Variants in NREP observed in about 807,000 individuals in gnomAD.
NREP encodes neuronal regeneration-related protein.
NREP carries 5 observed loss-of-function variants against 8.6 expected under a neutral mutation model. That is an observed-to-expected ratio of 0.58 (90% CI 0.30 to 1.22). The LOEUF (loss-of-function observed/expected upper bound fraction) is 1.22, where lower values mean the gene tolerates loss of function less well. Ranked by LOEUF, NREP falls within the 50% of genes most tolerant of loss-of-function variation. The pLI is 0.07. For synonymous variants in NREP, 27 were observed against 28.0 expected (o/e 0.96, Z 0.11); for missense variants, 86 against 82.5 (o/e 1.04, Z -0.17).
chr5:111,911,914 C>A (rs1754923438), intron 2 of NREP, among the ~76,000 whole-genome samples: 1 of 152,002 alleles, frequency 6.6e-6, no homozygotes. Flanking sequence ...ATCCTATAAG[C>A]AAGTACTAGT....
intron 2 of NREP, among the ~76,000 whole-genome samples, chr5:111,926,518 G>C (rs1023758721): frequency 1.3e-5 from 2 of 152,040 alleles, no homozygotes; most frequent in East Asian, 3.9e-4. Context: ...TCTAATTGTT[G>C]GATAATATTA....
At chr5:111,947,173 A>G (rs1756011442) in intron 2 of NREP, among the ~76,000 whole-genome samples, 1 of 152,026 alleles carries the variant, frequency 6.6e-6, no homozygotes, top group African/African-American at 2.4e-5. Context: ...CCACTCCTCC[A>G]CAATATCTCA....
At chr5:111,894,785 A>C (rs1754469636) in intron 2 of NREP, among the ~76,000 whole-genome samples, 1 of 152,222 alleles carries the variant, frequency 6.6e-6, no homozygotes, top group Non-Finnish European at 1.5e-5. Flanking sequence ...TAAGATCATC[A>C]CCACACTCGG....
intron 2 of NREP, among the ~76,000 whole-genome samples, chr5:111,894,119 T>A (rs929533692): frequency 6.6e-6 from 1 of 151,934 alleles, no homozygotes; most frequent in Non-Finnish European, 1.5e-5. Flanking sequence ...CTCGGGAGGC[T>A]GAGGCAGGAG....
At chr5:111,774,027 C>T (rs750554864) in intron 2 of NREP, among the ~76,000 whole-genome samples, 2 of 152,138 alleles carry the variant, frequency 1.3e-5, no homozygotes, top group Non-Finnish European at 2.9e-5. Flanking sequence ...AATTTATAAA[C>T]CACTTGACAA....
intron 2 of NREP, among the ~76,000 whole-genome samples, chr5:111,833,309 A>G (rs1180485134): frequency 6.6e-6 from 1 of 152,224 alleles, no homozygotes; most frequent in African/African-American, 2.4e-5. Flanking sequence ...TTCCATGAGA[A>G]AAGCCAATAC....
intron 2 of NREP, among the ~76,000 whole-genome samples, chr5:111,829,701 G>A (rs1210802168): frequency 6.6e-6 from 1 of 152,132 alleles, no homozygotes; most frequent in Non-Finnish European, 1.5e-5. Context: ...GACTTTACCT[G>A]AACTCAATCT....
intron 2 of NREP, among the ~76,000 whole-genome samples, chr5:111,816,840 T>C (rs1358232540): frequency 6.6e-6 from 1 of 151,528 alleles, no homozygotes; most frequent in Non-Finnish European, 1.5e-5. Context: ...GCAGACTATA[T>C]AAAAATAAAA....
intron 2 of NREP, among the ~76,000 whole-genome samples, chr5:111,836,811 T>G (rs1334585776): frequency 2.0e-5 from 3 of 152,064 alleles, no homozygotes; most frequent in African/African-American, 7.2e-5. Context: ...TTTGTGTATA[T>G]AACTTCAAAA....
intron 2 of NREP, among the ~76,000 whole-genome samples, chr5:111,806,523 T>A (rs1752144199): frequency 6.6e-6 from 1 of 152,224 alleles, no homozygotes; most frequent in African/African-American, 2.4e-5. Flanking sequence ...AAAAATGATT[T>A]CTCACCAGTA....
chr5:111,853,578 A>T (rs571891634), intron 2 of NREP, among the ~76,000 whole-genome samples: 231 of 152,284 alleles, frequency 1.5e-3, no homozygotes, highest in African/African-American at 5.5e-3. Flanking sequence ...ACAAAAAATT[A>T]CAACTACCAA....
chr5:111,854,850 T>C (rs1419902069), intron 2 of NREP, among the ~76,000 whole-genome samples: 1 of 152,194 alleles, frequency 6.6e-6, no homozygotes, highest in African/African-American at 2.4e-5. Context: ...TCCAGATCTT[T>C]ACACACCCAT....
intron 2 of NREP, among the ~76,000 whole-genome samples, chr5:111,913,293 C>T (rs768671906): frequency 3.9e-5 from 6 of 152,014 alleles, no homozygotes; most frequent in Non-Finnish European, 7.4e-5. Flanking sequence ...ATTTTAAAAG[C>T]GGTCTTATAA....
chr5:111,871,913 A>C (rs1022915168), intron 2 of NREP, among the ~76,000 whole-genome samples: 1 of 149,130 alleles, frequency 6.7e-6, no homozygotes, highest in African/African-American at 2.5e-5. Flanking sequence ...CTGCATAATG[A>C]CGTTTCAGTG....
chr5:111,757,822 TAAG>T (rs938367953), upstream of NREP: 23 of 964,066 alleles, frequency 2.4e-5, no homozygotes, highest in African/African-American at 3.5e-5. Flanking sequence ...TTCAGACAAA[TAAG>T]GAGGTGGAGG....
At chr5:111,737,859 C>CTT (rs142717753) in intron 2 of NREP, among the ~76,000 whole-genome samples, 37 of 150,748 alleles carry the variant, frequency 2.5e-4, no homozygotes, top group African/African-American at 8.0e-4. Flanking sequence ...CTGACCAAGG[C>CTT]TTTTTTTTTC....
intron 2 of NREP, among the ~76,000 whole-genome samples, chr5:111,742,642 C>T (rs1020663965): frequency 3.3e-5 from 5 of 151,970 alleles, no homozygotes; most frequent in African/African-American, 1.2e-4. Flanking sequence ...TCTTTTTCAC[C>T]ACGACTTAAA....
intron 1 of NREP, chr5:111,756,312 AC>A (rs70973616): frequency 0.022 from 2,178 of 99,204 alleles, 268 homozygotes; most frequent in Non-Finnish European, 0.025. Context: ...AAAAAAAAAA[AC>A]CCTACACGGC....
intron 2 of NREP, among the ~76,000 whole-genome samples, chr5:111,877,878 C>T (rs1753948674): frequency 1.3e-5 from 2 of 152,186 alleles, no homozygotes; most frequent in Non-Finnish European, 2.9e-5. Flanking sequence ...TTACCAGGTA[C>T]CACACATAGG....
Sources: gnomAD v4.1 joint callset for allele counts (sites outside exome capture counted in the v4.1 genomes callset) on GRCh38, gnomAD v4.1.1 for gene constraint, MANE v1.5 for transcripts, NCBI Gene and HGNC (gene_info 2026-07-23, HGNC 2026-07-21) for gene names.